The following ABHD18 variants were observed in gnomAD, a reference collection of about 807,000 sequenced individuals.
ABHD18 encodes the protein abhydrolase domain containing 18.
In ABHD18, 55 loss-of-function variants were observed where a neutral mutation model predicts 65.9. The observed-to-expected ratio is 0.84, with a 90% CI of 0.67 to 1.05. ABHD18 has a LOEUF of 1.05. ABHD18 is among the 50% of genes least tolerant of loss of function. The pLI, the probability that ABHD18 is intolerant of heterozygous loss-of-function variation, is 0.00. For missense variants in ABHD18, 533 were observed against 558.5 expected (o/e 0.95, Z 0.46); for synonymous variants, 181 against 180.2 (o/e 1.00, Z -0.04).
intron 6 of ABHD18, 46 bp downstream of exon 6, chr4:128,009,237 T>A: frequency 8.2e-7 from 1 of 1,220,510 alleles, no homozygotes; most frequent in Non-Finnish European, 1.1e-6. Flanking sequence ...TGTTTATTTA[T>A]TGATATATTT....
Position 128,033,680 on chromosome 4 carries a change from C to T in ABHD18, c.1344-2082C>T, listed in dbSNP as rs184352154. On this transcript the variant is annotated intron_variant, in intron 12 of 12. Coordinates refer to ENST00000645843, the MANE Select transcript of ABHD18 (RefSeq NM_001358451.3). ...CCTCTGCAGTAGCTGGGACTACAGG[C>T]GCCCGCCACCACGCCCGGCTAATTT... Among the ~76,000 whole-genome samples the T allele has an allele frequency of 5.2e-3, 783 of 151,812 alleles. 8 individuals carry two copies. The highest frequency in any genetic ancestry group is 0.018 in the African/African-American group (751 of 41,436).
At chr4:127,995,034 C>G (rs988924052) in intron 4 of ABHD18, among the ~76,000 whole-genome samples, 1 of 152,066 alleles carries the variant, frequency 6.6e-6, no homozygotes, top group African/African-American at 2.4e-5. Context: ...CACATGTCAC[C>G]ACGCCTGGCT....
intron 12 of ABHD18, among the ~76,000 whole-genome samples, chr4:128,035,434 G>A (rs1224786547): frequency 3.3e-5 from 5 of 152,090 alleles, no homozygotes; most frequent in African/African-American, 1.2e-4. Flanking sequence ...TTAGCAGGGT[G>A]AGGTGGTGCA....
intron 1 of ABHD18, among the ~76,000 whole-genome samples, chr4:127,977,338 G>C (rs980983309): frequency 3.9e-5 from 6 of 152,162 alleles, no homozygotes; most frequent in African/African-American, 1.4e-4. Context: ...TGGGCGTGGT[G>C]GCGCATGCCT....
intron 10 of ABHD18, 92 bp downstream of exon 10, chr4:128,021,330 T>C (rs988728223): frequency 4.1e-5 from 32 of 782,250 alleles, no homozygotes; most frequent in Non-Finnish European, 4.9e-5. Flanking sequence ...AGCAAATTTT[T>C]AAAAACATAG....
At chr4:128,017,676 A>G (rs1755753823) in intron 8 of ABHD18, among the ~76,000 whole-genome samples, 175 bp downstream of exon 8, 3 of 152,210 alleles carry the variant, frequency 2.0e-5, no homozygotes, top group Non-Finnish European at 2.9e-5. Flanking sequence ...AATTTTTTGT[A>G]CGATTTATTG....
chr4:128,033,966 T>C (rs560382576), intron 12 of ABHD18, among the ~76,000 whole-genome samples: 4 of 148,812 alleles, frequency 2.7e-5, no homozygotes, highest in East Asian at 2.0e-4. Context: ...TTTCTTTTTT[T>C]TTTTTTTTTT....
At chr4:127,984,702 A>T (rs960476278) in intron 3 of ABHD18, among the ~76,000 whole-genome samples, 1 of 152,118 alleles carries the variant, frequency 6.6e-6, no homozygotes, top group African/African-American at 2.4e-5. Context: ...GCTTAAAAAA[A>T]ATACAAAATT....
At chr4:128,007,306 G>A (rs1281311079) in intron 4 of ABHD18, among the ~76,000 whole-genome samples, 1 of 147,728 alleles carries the variant, frequency 6.8e-6, no homozygotes, top group East Asian at 2.0e-4. Flanking sequence ...CCCAATTATG[G>A]GCTAAAGTGA....
intron 1 of ABHD18, 135 bp from the exon 2 acceptor site, chr4:127,982,801 CTTG>C (rs1560834755): frequency 1.1e-5 from 6 of 539,128 alleles, no homozygotes; most frequent in Non-Finnish European, 1.3e-5. Flanking sequence ...TCCCCCAAAT[CTTG>C]TATTTTGTTT....
At chr4:128,013,148 G>A (rs1754866090) in intron 7 of ABHD18, among the ~76,000 whole-genome samples, 1 of 151,626 alleles carries the variant, frequency 6.6e-6, no homozygotes, top group Non-Finnish European at 1.5e-5. Context: ...AAAGTGCAAT[G>A]GGAAGTGTCT....
intron 12 of ABHD18, among the ~76,000 whole-genome samples, chr4:128,033,959 CT>C (rs996416880): frequency 0.026 from 3,179 of 123,362 alleles, 20 homozygotes; most frequent in African/African-American, 0.048. Flanking sequence ...TTTCTTTTTT[CT>C]TTTTTTTTTT....
intron 6 of ABHD18, among the ~76,000 whole-genome samples, chr4:128,011,233 C>T (rs543025413): frequency 2.0e-5 from 3 of 151,440 alleles, no homozygotes; most frequent in South Asian, 2.1e-4. Context: ...CTGCAGGCTC[C>T]GCCCCCCAGG....
At chr4:127,971,781 C>T (rs1283888951) in intron 1 of ABHD18, among the ~76,000 whole-genome samples, 2 of 152,112 alleles carry the variant, frequency 1.3e-5, no homozygotes, top group Non-Finnish European at 2.9e-5. Flanking sequence ...AGCCACCGCA[C>T]CTGGCCTAAG....
At chr4:128,014,260 G>A (rs1388535511) in intron 7 of ABHD18, among the ~76,000 whole-genome samples, 1 of 152,110 alleles carries the variant, frequency 6.6e-6, no homozygotes, top group African/African-American at 2.4e-5. Context: ...TGGGATTACA[G>A]GCAGCATCCA....
chr4:128,025,294 C>T (rs1757182787), intron 10 of ABHD18, among the ~76,000 whole-genome samples: 1 of 152,104 alleles, frequency 6.6e-6, no homozygotes, highest in Non-Finnish European at 1.5e-5. Context: ...TGCACCACCA[C>T]ACCTGGCTAA....
intron 11 of ABHD18, 62 bp downstream of exon 11, chr4:128,028,915 TAA>T: frequency 4.8e-6 from 6 of 1,248,082 alleles, no homozygotes; most frequent in Non-Finnish European, 6.5e-6. Context: ...TGAAATATTT[TAA>T]AAGATGCTCT....
At chr4:127,986,617 T>C (rs937281675) in intron 3 of ABHD18, among the ~76,000 whole-genome samples, 3 of 152,246 alleles carry the variant, frequency 2.0e-5, no homozygotes, top group African/African-American at 7.2e-5. Flanking sequence ...AACTCTAAAT[T>C]TAACTTTTTG....
chr4:127,989,209 G>A (rs947887756), intron 3 of ABHD18, among the ~76,000 whole-genome samples: 3 of 152,112 alleles, frequency 2.0e-5, no homozygotes, highest in African/African-American at 7.2e-5. Context: ...CTCATATGTG[G>A]GAGCTGAATA....
Sources: gnomAD v4.1 joint callset for allele counts (sites outside exome capture counted in the v4.1 genomes callset) on GRCh38, gnomAD v4.1.1 for gene constraint, MANE v1.5 for transcripts, NCBI Gene and HGNC (gene_info 2026-07-23, HGNC 2026-07-21) for gene names.